TVP23C: variants seen among roughly 807,000 people sequenced by gnomAD.
The protein encoded by TVP23C is trans-golgi network vesicle protein 23 homolog C.
TVP23C carries 19 observed loss-of-function variants against 28.7 expected under a neutral mutation model. That is an observed-to-expected ratio of 0.66 (90% confidence interval 0.46 to 0.97). TVP23C has a LOEUF of 0.97. Among genes scored for constraint, TVP23C ranks in the 50% least tolerant of loss-of-function variants. The pLI, the probability that TVP23C is intolerant of heterozygous loss-of-function variation, is 0.00. For missense variants in TVP23C, 186 were observed against 241.3 expected (o/e 0.77, Z 1.52); for synonymous variants, 68 against 81.7 (o/e 0.83, Z 0.90).
intron 1 of TVP23C, among the ~76,000 whole-genome samples, chr17:15,557,500 C>G (rs575287312): frequency 1.3e-5 from 2 of 148,526 alleles, no homozygotes; most frequent in African/African-American, 4.9e-5. Context: ...AGTCTCACCA[C>G]GTTGGCCAGG....
intron 5 of TVP23C, among the ~76,000 whole-genome samples, chr17:15,525,395 T>C (rs1342780581): frequency 6.6e-6 from 1 of 152,226 alleles, no homozygotes; most frequent in Non-Finnish European, 1.5e-5. Flanking sequence ...GTTGTTTGCT[T>C]TGAAGCTATT....
At chr17:15,542,518 T>C (rs1190414218) in intron 5 of TVP23C, among the ~76,000 whole-genome samples, 3 of 152,142 alleles carry the variant, frequency 2.0e-5, no homozygotes, top group African/African-American at 2.4e-5. Context: ...GCTCTGTCAC[T>C]CAGGCTGGAG....
chr17:15,545,716 G>A (rs1983614487), intron 5 of TVP23C, 69 bp downstream of exon 5: 2 of 1,549,540 alleles, frequency 1.3e-6, no homozygotes, highest in African/African-American at 1.4e-5. Context: ...CTCAGTTGCA[G>A]TTGTTGCTTC....
chr17:15,515,529 G>T (rs930171670), intron 5 of TVP23C, among the ~76,000 whole-genome samples: 1 of 152,152 alleles, frequency 6.6e-6, no homozygotes, highest in African/African-American at 2.4e-5. Flanking sequence ...TGAACTACAC[G>T]AGATACGATT....
chr17:15,509,451 G>A (rs888576175), intron 5 of TVP23C, among the ~76,000 whole-genome samples: 28 of 152,242 alleles, frequency 1.8e-4, no homozygotes, highest in African/African-American at 6.5e-4. Context: ...AGCGCTGACC[G>A]CACCTTCTTT....
At position 15,538,315 on chromosome 17, in the gene TVP23C, G is replaced by T. The variant is rs929618993; in HGVS notation, c.*2097C>A. 4.1e-6 allele frequency: 4 copies of T among 980,398 alleles called. No individual in the cohort carries two copies. In the African/African-American group the frequency reaches 5.3e-5, roughly 13 times the overall value. The allele number at this position is 980,398 out of a possible 1,614,324, so 60.7% of individuals were successfully genotyped here. ...TTAAAAAGTAGACATGCTAGGCTGG[G>T]CGCCGTGGCTTACACCTGTAATCCC... On this transcript the variant is annotated 3_prime_UTR_variant, in exon 6 of 6. Coordinates refer to ENST00000518321, the MANE Select transcript of TVP23C (RefSeq NM_001135036.2).
chr17:15,543,724 TACTGG>T (rs1983522638), intron 5 of TVP23C, among the ~76,000 whole-genome samples: 1 of 151,278 alleles, frequency 6.6e-6, no homozygotes, highest in South Asian at 2.1e-4. Flanking sequence ...ACATAAGCTC[TACTGG>T]AGCAGTCAAC....
At chr17:15,505,998 A>C (rs1169011598) in intron 5 of TVP23C, among the ~76,000 whole-genome samples, 1 of 152,174 alleles carries the variant, frequency 6.6e-6, no homozygotes, top group African/African-American at 2.4e-5. Context: ...TGTGCGGCCC[A>C]AGCCTCCCCG....
rs1490405957 is a variant in TVP23C, at chr17:15,560,057, T to C, written c.12+3380A>G. 2.0e-5 allele frequency among the ~76,000 whole-genome samples: 3 copies of C among 149,184 alleles called. 1 individual carries two copies. Among genetic ancestry groups the C allele is most frequent in the Non-Finnish European group, 4.5e-5 (3 of 66,624 alleles). On this transcript the variant is annotated intron_variant, in intron 1 of 5. Coordinates refer to ENST00000518321, the MANE Select transcript of TVP23C (RefSeq NM_001135036.2). Reference sequence around the variant, plus strand: ...AAGATGAAAACCAAAGAGAGACCACTGTATTTTTTTTTCTTTTTTTTGAGA... The same window carrying C: ...AAGATGAAAACCAAAGAGAGACCACCGTATTTTTTTTTCTTTTTTTTGAGA...
chr17:15,555,361 T>C lies in TVP23C; in HGVS notation c.16A>G (p.Ser6Gly). The change falls in exon 2 of 6, where the codon AGT becomes GGT. Residue 6 changes from serine (S) to glycine (G), a missense_variant. Physicochemically the swap from Ser to Gly is moderately conservative, Grantham distance 56. Coordinates refer to ENST00000518321, the MANE Select transcript of TVP23C (RefSeq NM_001135036.2). MLQQD[S>G]NDDTEDVSLF... Reference sequence around the variant, plus strand: ...GAAACATCTTCAGTGTCATCATTACTATCCTGGTTGGAAAAATAAATGGTC... The same window carrying C: ...GAAACATCTTCAGTGTCATCATTACCATCCTGGTTGGAAAAATAAATGGTC... 1.9e-6 allele frequency: 3 copies of C among 1,614,006 alleles called. No individual in the cohort carries two copies. The highest frequency in any genetic ancestry group is 2.5e-6 in the Non-Finnish European group (3 of 1,179,868).
intron 1 of TVP23C, among the ~76,000 whole-genome samples, chr17:15,555,822 C>T (rs1443544251): frequency 2.0e-5 from 3 of 152,130 alleles, no homozygotes; most frequent in African/African-American, 4.8e-5. Context: ...TATTTGTGCT[C>T]AGAATAACTT....
intron 3 of TVP23C, among the ~76,000 whole-genome samples, chr17:15,547,499 T>C (rs912879557): frequency 3.3e-5 from 5 of 152,238 alleles, no homozygotes; most frequent in Non-Finnish European, 7.3e-5. Flanking sequence ...TATAGCTACA[T>C]ATATTTTACA....
chr17:15,545,656 G>C, intron 5 of TVP23C, 129 bp downstream of exon 5: 1 of 1,361,882 alleles, frequency 7.3e-7, no homozygotes, highest in Non-Finnish European at 9.7e-7. Flanking sequence ...CAAAACTTGG[G>C]AATTACATGA....
intron 5 of TVP23C, among the ~76,000 whole-genome samples, chr17:15,523,006 A>G (rs1395645925): frequency 6.6e-6 from 1 of 151,982 alleles, no homozygotes; most frequent in East Asian, 1.9e-4. Flanking sequence ...GAAGTTATAG[A>G]GCAGAATTTT....
chr17:15,521,409 C>T lies in TVP23C; in HGVS notation c.463-18177G>A, dbSNP rs1011975184. ...GTTCCAGCTACCTGGGAGGCTGAGG[C>T]AGGAGAATGTCGTGAGCCCAGGAGG... On this transcript the variant is annotated intron_variant, in intron 5 of 5. Transcript: ENST00000225576. 1.3e-4 allele frequency among the ~76,000 whole-genome samples: 20 copies of T among 152,018 alleles called. 1 individual carries two copies. Among genetic ancestry groups the T allele is most frequent in the Non-Finnish European group, 2.2e-4 (15 of 68,010 alleles).
intron 5 of TVP23C, among the ~76,000 whole-genome samples, chr17:15,543,645 C>G (rs1452473793): frequency 6.6e-6 from 1 of 150,784 alleles, no homozygotes; most frequent in Non-Finnish European, 1.5e-5. Context: ...CACTCTCTAC[C>G]CCATTACTTT....
chr17:15,515,081 C>T lies in TVP23C; in HGVS notation c.463-11849G>A, dbSNP rs138715260. The stretch of plus-strand genomic sequence containing the variant: ...AACACAGCTGCCAGAATACACAAGC[C>T]GGAGGTGGCTAGGGTGCCCATACCC... On this transcript the variant is annotated intron_variant, in intron 5 of 5. Coordinates refer to the TVP23C transcript ENST00000225576. Among the ~76,000 whole-genome samples the T allele has an allele frequency of 1.2e-3, 187 of 152,162 alleles. 3 individuals are homozygous for T. Among genetic ancestry groups the T allele is most frequent in the South Asian group, 0.012 (58 of 4,802 alleles).
intron 5 of TVP23C, among the ~76,000 whole-genome samples, chr17:15,519,650 C>A (rs1982387174): frequency 6.6e-6 from 1 of 152,154 alleles, no homozygotes; most frequent in African/African-American, 2.4e-5. Flanking sequence ...GTGGCTCACA[C>A]CTGTAATCCC....
At chr17:15,525,718 G>A (rs1460763001) in intron 5 of TVP23C, among the ~76,000 whole-genome samples, 11 of 152,184 alleles carry the variant, frequency 7.2e-5, no homozygotes, top group East Asian at 1.9e-4. Context: ...ATGCGCCCAC[G>A]TTCATCTCTG....
Sources: allele counts gnomAD v4.1 joint callset (sites outside exome capture counted in the v4.1 genomes callset), GRCh38; gene constraint gnomAD v4.1.1; transcripts MANE v1.5; gene names NCBI Gene and HGNC (gene_info 2026-07-23, HGNC 2026-07-21).